The following ADGRB3 variants were observed in gnomAD, a reference collection of about 807,000 sequenced individuals.
The protein encoded by ADGRB3 is brain-specific angiogenesis inhibitor 3.
Under a neutral mutation model 193.4 loss-of-function variants are expected in ADGRB3, and 37 were observed. That is an observed-to-expected ratio of 0.19 (90% CI 0.15 to 0.25). The LOEUF is 0.25. Ranked by LOEUF, ADGRB3 falls within the 10% of genes least tolerant of loss-of-function variation. The pLI, the probability that ADGRB3 is intolerant of heterozygous loss-of-function variation, is 1.00. For synonymous variants in ADGRB3, 690 were observed against 644.2 expected (o/e 1.07, Z -1.08); for missense variants, 1,637 against 1,852.9 (o/e 0.88, Z 2.14).
At chr6:68,902,045 A>T (rs1481487852) in intron 3 of ADGRB3, among the ~76,000 whole-genome samples, 1 of 152,134 alleles carries the variant, frequency 6.6e-6, no homozygotes, top group African/African-American at 2.4e-5. Context: ...CAGAGTATGG[A>T]TCACTCACTC....
chr6:69,348,027 A>T (rs1769141807), intron 26 of ADGRB3, among the ~76,000 whole-genome samples: 2 of 152,142 alleles, frequency 1.3e-5, no homozygotes, highest in Non-Finnish European at 2.9e-5. Flanking sequence ...GTAAATTCTA[A>T]TTCTCCTTCC....
intron 3 of ADGRB3, among the ~76,000 whole-genome samples, chr6:68,796,995 G>A (rs1406714677): frequency 6.6e-6 from 1 of 152,102 alleles, no homozygotes; most frequent in Non-Finnish European, 1.5e-5. Context: ...AATTTCCTAA[G>A]GATTAGTGGT....
chr6:69,089,330 T>A (rs113802035), intron 17 of ADGRB3, among the ~76,000 whole-genome samples: 52 of 152,296 alleles, frequency 3.4e-4, no homozygotes, highest in African/African-American at 1.3e-3. Context: ...ATTATTGACT[T>A]TATAAAGAAA....
At chr6:68,949,122 A>C (rs917283110) in intron 6 of ADGRB3, among the ~76,000 whole-genome samples, 1 of 152,088 alleles carries the variant, frequency 6.6e-6, no homozygotes, top group Non-Finnish European at 1.5e-5. Context: ...ATTACTTTAA[A>C]ATTAAGAGAT....
intron 17 of ADGRB3, among the ~76,000 whole-genome samples, chr6:69,178,458 A>G (rs1312759361): frequency 6.6e-6 from 1 of 152,194 alleles, no homozygotes; most frequent in African/African-American, 2.4e-5. Context: ...GACTATTTAC[A>G]TTCAAAGTTA....
At chr6:69,209,850 A>G (rs1213798123) in intron 17 of ADGRB3, among the ~76,000 whole-genome samples, 1 of 152,116 alleles carries the variant, frequency 6.6e-6, no homozygotes, top group Non-Finnish European at 1.5e-5. Flanking sequence ...ATGAATCAGG[A>G]TAAATCAAAT....
rs961670378 is a variant in ADGRB3, at chr6:68,733,244, A to AAT, written c.757+93824_757+93825dup. On this transcript the variant is annotated intron_variant, in intron 3 of 31. Transcript: ENST00000370598. Reference sequence around the variant, plus strand: ...GAAAATTATATCTATATATATATAAAATATATATATATAGGAATATGTATA... The same window carrying AAT: ...GAAAATTATATCTATATATATATAAAATATATATATATATAGGAATATGTATA... Among the ~76,000 whole-genome samples, 466 of 147,610 alleles carry AAT rather than the reference A, an allele frequency of 3.2e-3. 4 individuals carry two copies. The highest frequency in any genetic ancestry group is 0.011 in the African/African-American group (453 of 40,694).
At chr6:69,009,908 G>C (rs1769883379) in intron 11 of ADGRB3, among the ~76,000 whole-genome samples, 1 of 151,954 alleles carries the variant, frequency 6.6e-6, no homozygotes, top group Non-Finnish European at 1.5e-5. Flanking sequence ...AAAATGCTAA[G>C]ACATATTTTA....
At chr6:68,746,746 A>C (rs972014463) in intron 3 of ADGRB3, among the ~76,000 whole-genome samples, 1 of 151,250 alleles carries the variant, frequency 6.6e-6, no homozygotes, top group African/African-American at 2.4e-5. Context: ...TTCTTTAGTA[A>C]TTTTTTGGAG....
chr6:68,797,684 C>T (rs535668786), intron 3 of ADGRB3, among the ~76,000 whole-genome samples: 1 of 152,252 alleles, frequency 6.6e-6, no homozygotes, highest in Admixed American at 6.5e-5. Context: ...GATTTAACCA[C>T]CTCACCAAAT....
chr6:68,699,081 A>T (rs1473236252), intron 3 of ADGRB3, among the ~76,000 whole-genome samples: 1 of 152,140 alleles, frequency 6.6e-6, no homozygotes, highest in Non-Finnish European at 1.5e-5. Flanking sequence ...TACTGAAAAC[A>T]TTCCCTTAGC....
At chr6:69,202,185 T>C (rs1765439798) in intron 17 of ADGRB3, among the ~76,000 whole-genome samples, 1 of 152,180 alleles carries the variant, frequency 6.6e-6, no homozygotes, top group Non-Finnish European at 1.5e-5. Context: ...AATACCCTAA[T>C]GTTGATAGGC....
At chr6:69,347,484 G>A (rs80177907) in intron 26 of ADGRB3, among the ~76,000 whole-genome samples, 5,656 of 152,160 alleles carry the variant, frequency 0.037, 177 homozygotes, top group Admixed American at 0.095. Context: ...TAATAAAATA[G>A]GATGTGGGGC....
At chr6:69,062,678 T>G (rs1771783479) in intron 15 of ADGRB3, among the ~76,000 whole-genome samples, 1 of 151,958 alleles carries the variant, frequency 6.6e-6, no homozygotes. Flanking sequence ...ATTTAAGTAA[T>G]CAAAAGCTTA....
At chr6:69,031,300 C>G (rs537124632) in intron 13 of ADGRB3, among the ~76,000 whole-genome samples, 1 of 151,340 alleles carries the variant, frequency 6.6e-6, no homozygotes, top group Non-Finnish European at 1.5e-5. Flanking sequence ...TTTAACCGGG[C>G]GCAGTGGTTG....
chr6:69,107,806 T>C (rs1356209644), intron 17 of ADGRB3, among the ~76,000 whole-genome samples: 4 of 152,092 alleles, frequency 2.6e-5, no homozygotes. Context: ...AACCAAATAC[T>C]GCAAGTTATC....
At chr6:68,749,910 G>T (rs1766163000) in intron 3 of ADGRB3, among the ~76,000 whole-genome samples, 1 of 152,192 alleles carries the variant, frequency 6.6e-6, no homozygotes, top group Admixed American at 6.5e-5. Context: ...ATATTACATT[G>T]TTTATAACAA....
chr6:69,036,412 C>T (rs1770871640), intron 13 of ADGRB3, among the ~76,000 whole-genome samples: 1 of 151,982 alleles, frequency 6.6e-6, no homozygotes, highest in African/African-American at 2.4e-5. Flanking sequence ...AAACTCACTG[C>T]CTCTAATTAA....
intron 3 of ADGRB3, among the ~76,000 whole-genome samples, chr6:68,654,704 C>T (rs978218096): frequency 2.6e-5 from 4 of 151,804 alleles, no homozygotes. Flanking sequence ...AATATATTCC[C>T]TGTTAAACTG....
Sources: gnomAD v4.1 joint callset for allele counts (sites outside exome capture counted in the v4.1 genomes callset) on GRCh38, gnomAD v4.1.1 for gene constraint, MANE v1.5 for transcripts, NCBI Gene and HGNC (gene_info 2026-07-23, HGNC 2026-07-21) for gene names.